MCM3AP: variants seen among roughly 807,000 people sequenced by gnomAD.
MCM3AP encodes the protein germinal-center associated nuclear protein.
Under a neutral mutation model 184.1 loss-of-function variants are expected in MCM3AP, and 126 were observed. That is an observed-to-expected ratio of 0.68 (90% confidence interval 0.59 to 0.79). The LOEUF is 0.79. MCM3AP is among the 30% of genes least tolerant of loss of function. The pLI is 0.00. For synonymous variants in MCM3AP, 1,002 were observed against 979.3 expected (o/e 1.02, Z -0.43); for missense variants, 2,496 against 2,479.2 (o/e 1.01, Z -0.14).
At position 46,266,039 on chromosome 21, in the gene MCM3AP, G is replaced by C. The variant is rs1438385173; in HGVS notation, c.2917C>G (p.Pro973Ala). Residue 973 changes from proline to alanine, a missense_variant, in exon 11 of 28, where the codon CCC becomes GCC. Coordinates refer to ENST00000291688, the MANE Select transcript of MCM3AP (RefSeq NM_003906.5). ...GEIVNGGPLP[P>A]VPRHTPVCSF... Reference sequence around the variant, plus strand: ...CACACAGGGGTATGACGAGGGACGGGGGGCAATGGCCCTCCGTTCACAATT... The same window carrying C: ...CACACAGGGGTATGACGAGGGACGGCGGGCAATGGCCCTCCGTTCACAATT... The C allele has an allele frequency of 6.2e-7, 1 of 1,612,230 alleles. No individual in the cohort carries two copies. The highest frequency in any genetic ancestry group is 2.2e-5 in the East Asian group (1 of 44,864).
intron 7 of MCM3AP, among the ~76,000 whole-genome samples, chr21:46,273,064 G>A (rs755525450): frequency 1.3e-5 from 2 of 151,630 alleles, no homozygotes; most frequent in Non-Finnish European, 2.9e-5. Context: ...CACAACCTCC[G>A]CCTCCCAGGT....
At chr21:46,249,105 C>T (rs970464831) in intron 20 of MCM3AP, among the ~76,000 whole-genome samples, 2 of 152,114 alleles carry the variant, frequency 1.3e-5, no homozygotes, top group Non-Finnish European at 2.9e-5. Context: ...AAGGCTTCCA[C>T]AGAGAAAACC....
At chr21:46,245,387 G>A (rs538807146) in intron 22 of MCM3AP, among the ~76,000 whole-genome samples, 190 bp from the exon 23 acceptor site, 1 of 152,258 alleles carries the variant, frequency 6.6e-6, no homozygotes, top group South Asian at 2.1e-4. Context: ...CTGGAGACAT[G>A]TCCAGTAGGG....
intron 8 of MCM3AP, among the ~76,000 whole-genome samples, chr21:46,271,514 T>C (rs1175643869): frequency 6.6e-6 from 1 of 151,960 alleles, no homozygotes; most frequent in East Asian, 1.9e-4. Context: ...ATTTATTCAT[T>C]TTTGTGGAAG....
chr21:46,258,809 T>C (rs927991979), intron 16 of MCM3AP, 130 bp downstream of exon 16: 14 of 912,478 alleles, frequency 1.5e-5, no homozygotes, highest in Non-Finnish European at 2.5e-5. Flanking sequence ...ATTTTAGGTA[T>C]TCATTGCTAT....
intron 17 of MCM3AP, among the ~76,000 whole-genome samples, chr21:46,255,447 C>T (rs1168352734): frequency 1.3e-5 from 2 of 151,908 alleles, no homozygotes; most frequent in Non-Finnish European, 1.5e-5. Context: ...GCTGAGGACA[C>T]GATTGGGGCC....
In MCM3AP at chr21:46,254,204, T is replaced by G. The variant is rs17176723; in HGVS notation, c.4136+188A>C. The G allele has an allele frequency of 7.7e-5, 49 of 640,514 alleles. No individual in the cohort carries two copies. The African/African-American group carries it at 8.8e-4, about 11-fold the overall frequency. 39.7% of individuals were successfully genotyped at this position (640,514 alleles called of 1,614,324 possible). The stretch of plus-strand genomic sequence containing the variant: ...TACACCAAGTTTATGGAATAAAAAT[T>G]GAAATAATCAAATCTAAAGTTTCAA... On this transcript the variant is annotated intron_variant, in intron 19 of 27. Transcript: ENST00000291688.
Position 46,259,060 on chromosome 21 carries a change from C to T in MCM3AP, c.3613G>A (p.Val1205Met). The T allele has an allele frequency of 6.2e-7, 1 of 1,613,956 alleles. No individual in the cohort carries two copies. The highest frequency in any genetic ancestry group is 8.5e-7 in the Non-Finnish European group (1 of 1,179,944). ...NAVETDQRVR[V>M]ARCCEDVCAH... ...CAGACATCCTCACAGCAACGGGCCA[C>T]ACGGACCCTCTGGTCTGTCTCTACT... The change falls in exon 16 of 28, where the codon GTG becomes ATG. Residue 1205 changes from valine to methionine, a missense_variant. Transcript: ENST00000291688.
chr21:46,278,556 C>T (rs148948861), intron 4 of MCM3AP, among the ~76,000 whole-genome samples: 2 of 152,346 alleles, frequency 1.3e-5, no homozygotes, highest in Non-Finnish European at 2.9e-5. Context: ...CCCAGACAGA[C>T]AAGGTAGCCA....
At chr21:46,276,623 T>C (rs571752240) in intron 5 of MCM3AP, among the ~76,000 whole-genome samples, 2 of 151,446 alleles carry the variant, frequency 1.3e-5, no homozygotes, top group South Asian at 4.2e-4. Context: ...GTCTTTTTAG[T>C]AGAGATGGGG....
rs17183017 is a variant in MCM3AP at position 46,256,923 on chromosome 21, C to T, written c.3798G>A (p.Ala1266=). Residue 1266 remains alanine, a synonymous_variant, in exon 17 of 28, where the codon GCG becomes GCA. Transcript: ENST00000291688. ...LRRQMRAFPA[A]PCCVDVSDRL... ...GGTCGCTCACGTCCACGCAGCAGGGCGCAGCAGGGAAAGCCCGCATTTGGC... is the reference window on the plus strand; with the variant it reads ...GGTCGCTCACGTCCACGCAGCAGGGTGCAGCAGGGAAAGCCCGCATTTGGC... 78,268 of 1,611,440 alleles carry T rather than the reference C, an allele frequency of 0.049. 2,704 individuals are homozygous for T. Among genetic ancestry groups the T allele is most frequent in the African/African-American group, 0.15 (11,508 of 74,980 alleles).
At chr21:46,252,077 T>C (rs2080881295) in intron 19 of MCM3AP, 1 of 156,450 alleles carries the variant, frequency 6.4e-6, no homozygotes, top group African/African-American at 2.4e-5. Context: ...ATGTTGCTCA[T>C]GCTGGCCTCA....
intron 26 of MCM3AP, among the ~76,000 whole-genome samples, chr21:46,240,169 G>A (rs2080632271): frequency 6.6e-6 from 1 of 152,110 alleles, no homozygotes. Context: ...GGTGGGAGAT[G>A]AGATCCCAGC....
At chr21:46,267,425 A>G (rs745306127) in intron 9 of MCM3AP, 3 of 393,690 alleles carry the variant, frequency 7.6e-6, no homozygotes, top group East Asian at 4.9e-5. Flanking sequence ...CTGTCCATCA[A>G]CAAGACCAGG....
At chr21:46,280,412 A>T (rs893373386) in intron 3 of MCM3AP, 85 bp downstream of exon 3, 1 of 1,040,956 alleles carries the variant, frequency 9.6e-7, no homozygotes, top group Non-Finnish European at 1.4e-6. Context: ...CCAAGATCAG[A>T]CTGGGCAACA....
At position 46,244,869 on chromosome 21, in the gene MCM3AP, G is replaced by A; in HGVS notation, c.4976C>T (p.Ala1659Val). Residue 1659 changes from alanine (A) to valine (V), a missense_variant, in exon 23 of 28, where the codon GCC becomes GTC. Around this residue, in one of 5 missense-constraint regions of MCM3AP, gnomAD observed 1,323 missense variants for 1,273.4 expected, o/e 1.04. Coordinates refer to ENST00000291688, the MANE Select transcript of MCM3AP (RefSeq NM_003906.5). ...HLHWNAPEHL[A>V]WLKQAVLGFQ... ...CCCGAGCACAGCCTGCTTCAGCCAG[G>A]CCAGGTGCTCTGGGGCATTCCAGTG... The A allele has an allele frequency of 6.2e-7, 1 of 1,614,196 alleles. No homozygotes were observed. The highest frequency in any genetic ancestry group is 2.2e-5 in the East Asian group (1 of 44,876).
rs1680416536 is a variant in MCM3AP, at chr21:46,235,154, G to C, written c.*114C>G. ...AGACTGACATTTAAATGGTTTATCT[G>C]CATGATTAAATTAATCACATTTCCA... On this transcript the variant is annotated 3_prime_UTR_variant, in exon 28 of 28. Transcript: ENST00000291688. The C allele has an allele frequency of 1.5e-5, 18 of 1,171,542 alleles. No homozygotes were observed. The South Asian group carries it at 2.6e-4, about 17-fold the overall frequency. 72.6% of individuals were successfully genotyped at this position (1,171,542 alleles called of 1,614,324 possible).
chr21:46,246,504 G>A (rs1434107286), intron 21 of MCM3AP, 100 bp from the exon 22 acceptor site: 3 of 1,439,662 alleles, frequency 2.1e-6, no homozygotes, highest in African/African-American at 1.4e-5. Flanking sequence ...GCAGTGGACA[G>A]TCACCACAGG....
In MCM3AP at chr21:46,285,459, G is replaced by A. The variant is rs2081402476; in HGVS notation, c.-173C>T. The A allele has an allele frequency of 1.0e-5, 6 of 597,758 alleles. No individual in the cohort carries two copies. The East Asian group carries it at 1.4e-4, about 14-fold the overall frequency. 37.0% of individuals were successfully genotyped at this position (597,758 alleles called of 1,614,324 possible). On this transcript the variant is annotated 5_prime_UTR_variant, in exon 1 of 28. Transcript: ENST00000291688. ...CTACAAGTCTAAGAAAAGAATTTTT[G>A]AACACTGTCATACTAAAAGGATAAC... is the stretch of plus-strand genomic sequence containing the variant.
Sources: gnomAD v4.1 joint callset for allele counts (sites outside exome capture counted in the v4.1 genomes callset) on GRCh38, gnomAD v4.1.1 for gene constraint, gnomAD v4.1.1 regional missense constraint, MANE v1.5 for transcripts, NCBI Gene and HGNC (gene_info 2026-07-23, HGNC 2026-07-21) for gene names.